FILIP1L: variants seen among roughly 807,000 people sequenced by gnomAD.
FILIP1L encodes the protein filamin A-interacting protein 1-like.
A neutral mutation model predicts 96.6 loss-of-function variants in FILIP1L; 55 were observed. The ratio of observed to expected loss-of-function variants is 0.57; its 90% CI spans 0.46 to 0.71. The LOEUF (loss-of-function observed/expected upper bound fraction) is 0.71, where lower values mean the gene tolerates loss of function less well. Ranked by LOEUF, FILIP1L falls within the 30% of genes least tolerant of loss-of-function variation. The probability of loss-of-function intolerance (pLI) is 0.00; values close to 1 mark genes in which losing one functional copy is unlikely to be tolerated. For synonymous variants in FILIP1L, 467 were observed against 473.9 expected (o/e 0.99, Z 0.19); for missense variants, 1,304 against 1,321.2 (o/e 0.99, Z 0.20).
At chr3:100,065,753 A>C (rs1358015802) in intron 1 of FILIP1L, among the ~76,000 whole-genome samples, 1 of 152,208 alleles carries the variant, frequency 6.6e-6, no homozygotes, top group Admixed American at 6.5e-5. Flanking sequence ...ACAGCCTCTC[A>C]GTTCATATTC....
intron 1 of FILIP1L, among the ~76,000 whole-genome samples, chr3:99,976,199 G>T (rs553008403): frequency 6.6e-6 from 1 of 152,252 alleles, no homozygotes; most frequent in African/African-American, 2.4e-5. Flanking sequence ...TAGATATAAA[G>T]CACTTAGAAG....
At chr3:99,942,123 C>T (rs1374867798) in intron 1 of FILIP1L, among the ~76,000 whole-genome samples, 1 of 151,668 alleles carries the variant, frequency 6.6e-6, no homozygotes, top group East Asian at 1.9e-4. Context: ...ATGGCGTGAA[C>T]CTGGGAGGTG....
chr3:100,025,497 A>G (rs144297561), intron 1 of FILIP1L: 2 of 152,264 alleles, frequency 1.3e-5, no homozygotes, highest in East Asian at 3.9e-4. Context: ...AGATAAATAA[A>G]ATCAAAACCA....
intron 1 of FILIP1L, among the ~76,000 whole-genome samples, chr3:99,982,402 C>T (rs1022802574): frequency 1.3e-5 from 2 of 151,988 alleles, no homozygotes; most frequent in Non-Finnish European, 2.9e-5. Context: ...TGTAGTGGCG[C>T]ATTCATGGCT....
At chr3:99,973,401 T>G (rs979816289) in intron 1 of FILIP1L, among the ~76,000 whole-genome samples, 1 of 152,218 alleles carries the variant, frequency 6.6e-6, no homozygotes, top group Non-Finnish European at 1.5e-5. Flanking sequence ...GATCATTAAT[T>G]CAATCCTCTT....
At chr3:99,925,612 T>G (rs1707267729) in intron 3 of FILIP1L, among the ~76,000 whole-genome samples, 2 of 152,178 alleles carry the variant, frequency 1.3e-5, no homozygotes, top group African/African-American at 4.8e-5. Context: ...AAGTAGGGAT[T>G]CAGAGAAGCT....
intron 4 of FILIP1L, among the ~76,000 whole-genome samples, chr3:99,896,419 T>G (rs12493124): frequency 0.051 from 7,745 of 152,304 alleles, 299 homozygotes; most frequent in South Asian, 0.13. Flanking sequence ...TTTCTGTGTG[T>G]GAAGTGTATA....
chr3:100,090,200 C>A (rs2066080092), intron 1 of FILIP1L, among the ~76,000 whole-genome samples: 1 of 152,218 alleles, frequency 6.6e-6, no homozygotes, highest in African/African-American at 2.4e-5. Context: ...AGGCCCCAGG[C>A]ACCTTTGTCC....
chr3:99,990,695 C>T (rs973023914), intron 1 of FILIP1L, among the ~76,000 whole-genome samples: 1 of 151,846 alleles, frequency 6.6e-6, no homozygotes, highest in African/African-American at 2.4e-5. Flanking sequence ...TTCTGATATG[C>T]AGCCAGAGTT....
chr3:99,978,684 CAGG>C (rs1709036634), intron 1 of FILIP1L, among the ~76,000 whole-genome samples: 1 of 152,054 alleles, frequency 6.6e-6, no homozygotes, highest in African/African-American at 2.4e-5. Context: ...CACATGAGGC[CAGG>C]AGATCAATAC....
intron 1 of FILIP1L, among the ~76,000 whole-genome samples, chr3:99,949,715 A>G (rs1311784082): frequency 2.0e-5 from 3 of 152,246 alleles, no homozygotes; most frequent in Non-Finnish European, 4.4e-5. Context: ...GAGTTGCACA[A>G]TGAAATATTT....
At chr3:99,940,789 G>C (rs1221734797) in intron 1 of FILIP1L, among the ~76,000 whole-genome samples, 1 of 152,166 alleles carries the variant, frequency 6.6e-6, no homozygotes, top group Non-Finnish European at 1.5e-5. Flanking sequence ...TCTTGCCTAG[G>C]CCAACCCAGC....
At chr3:100,065,606 A>C (rs1014493933) in intron 1 of FILIP1L, among the ~76,000 whole-genome samples, 1 of 152,174 alleles carries the variant, frequency 6.6e-6, no homozygotes, top group Non-Finnish European at 1.5e-5. Context: ...TAATGAAAAA[A>C]GTATTCACTT....
intron 4 of FILIP1L, among the ~76,000 whole-genome samples, chr3:99,905,670 A>C (rs1229331116): frequency 4.6e-5 from 7 of 152,196 alleles, no homozygotes; most frequent in Non-Finnish European, 1.0e-4. Flanking sequence ...CAACTCTGCC[A>C]CTAGCCTCCT....
At chr3:99,902,564 T>C (rs1706472007) in intron 4 of FILIP1L, among the ~76,000 whole-genome samples, 1 of 152,208 alleles carries the variant, frequency 6.6e-6, no homozygotes, top group Non-Finnish European at 1.5e-5. Flanking sequence ...ATTCAAACTA[T>C]ATCTGAAAAC....
At chr3:100,044,997 C>G (rs542365408) in intron 1 of FILIP1L, among the ~76,000 whole-genome samples, 1 of 152,038 alleles carries the variant, frequency 6.6e-6, no homozygotes. Context: ...CTAGCCTGGG[C>G]GTAGAGAGGA....
chr3:99,957,494 G>T (rs1708354652), intron 1 of FILIP1L, among the ~76,000 whole-genome samples: 1 of 151,926 alleles, frequency 6.6e-6, no homozygotes, highest in Non-Finnish European at 1.5e-5. Context: ...TCCTCATTAG[G>T]TTTCTGTGTG....
chr3:100,050,874 ACT>A (rs929350601), intron 1 of FILIP1L, among the ~76,000 whole-genome samples: 22 of 152,114 alleles, frequency 1.4e-4, no homozygotes, highest in African/African-American at 5.3e-4. Context: ...TTGGAAGATA[ACT>A]CTGTGAGACA....
intron 1 of FILIP1L, among the ~76,000 whole-genome samples, chr3:99,936,164 C>A (rs1259113960): frequency 6.6e-6 from 1 of 151,740 alleles, no homozygotes. Context: ...AAGTGAAAAG[C>A]CTCAAAAAAG....
Sources: allele counts gnomAD v4.1 joint callset (sites outside exome capture counted in the v4.1 genomes callset), GRCh38; gene constraint gnomAD v4.1.1; transcripts MANE v1.5; gene names NCBI Gene and HGNC (gene_info 2026-07-23, HGNC 2026-07-21).